The following OSBPL5 variants were observed in gnomAD, a reference collection of about 807,000 sequenced individuals.
The protein encoded by OSBPL5 is oxysterol binding protein like 5.
Under a neutral mutation model 111.2 loss-of-function variants are expected in OSBPL5, and 71 were observed. That is an observed-to-expected ratio of 0.64 (90% CI 0.53 to 0.78). The LOEUF (loss-of-function observed/expected upper bound fraction) is 0.78, where lower values mean the gene tolerates loss of function less well. Ranked by LOEUF, OSBPL5 falls within the 30% of genes least tolerant of loss-of-function variation. OSBPL5 has a pLI of 0.00. For missense variants in OSBPL5, 1,210 were observed against 1,189.3 expected (o/e 1.02, Z -0.26); for synonymous variants, 549 against 513.9 (o/e 1.07, Z -0.93).
Position 3,101,624 on chromosome 11 carries a change from T to C in OSBPL5, c.1501A>G (p.Thr501Ala). Residue 501 changes from threonine to alanine, a missense_variant, in exon 13 of 22, where the codon ACA becomes GCA. Coordinates refer to ENST00000263650, the MANE Select transcript of OSBPL5 (RefSeq NM_020896.4). Reference protein sequence around the residue: ...KDGFCISGSITAKSRFYGNSL... With the variant: ...KDGFCISGSIAAKSRFYGNSL... ...TCACCATAAAACCTGGACTTGGCTGTGATGCTGCCACTGATGCAGAAGCCG... is the reference window on the plus strand; with the variant it reads ...TCACCATAAAACCTGGACTTGGCTGCGATGCTGCCACTGATGCAGAAGCCG... 1 of 1,613,938 alleles carries C rather than the reference T, an allele frequency of 6.2e-7. No homozygotes were observed. The highest frequency in any genetic ancestry group is 8.5e-7 in the Non-Finnish European group (1 of 1,179,972).
chr11:3,090,737 G>A lies in OSBPL5; in HGVS notation c.2260-41C>T, dbSNP rs747211020. On this transcript the variant is annotated intron_variant, in intron 19 of 21. Coordinates refer to ENST00000263650, the MANE Select transcript of OSBPL5 (RefSeq NM_020896.4). ...GCTGCTGCAGCTGAAAGCCACCCAC[G>A]CCCCCTGCCCAGGCCCCAGGGACAT... 8.9e-6 allele frequency: 14 copies of A among 1,570,482 alleles called. No individual in the cohort carries two copies. The East Asian group carries it at 1.6e-4, about 18-fold the overall frequency.
intron 1 of OSBPL5, among the ~76,000 whole-genome samples, chr11:3,147,850 C>T (rs570553711): frequency 1.2e-4 from 18 of 152,246 alleles, no homozygotes; most frequent in African/African-American, 2.4e-4. Context: ...GCGAGTGACC[C>T]GGGCCCTTCT....
At chr11:3,147,899 C>T (rs754960862) in intron 1 of OSBPL5, among the ~76,000 whole-genome samples, 3 of 152,184 alleles carry the variant, frequency 2.0e-5, no homozygotes, top group Non-Finnish European at 4.4e-5. Context: ...CCTGTTCTTG[C>T]GACTGAACGC....
chr11:3,131,298 G>A (rs1024175622), intron 1 of OSBPL5, among the ~76,000 whole-genome samples: 5 of 151,954 alleles, frequency 3.3e-5, no homozygotes, highest in African/African-American at 4.8e-5. Flanking sequence ...CCAGTCTCCC[G>A]CTCCCTTGTA....
rs548404371 is a variant in OSBPL5, at chr11:3,151,909, A to G, written c.-22+13307T>C. On this transcript the variant is annotated intron_variant, in intron 1 of 21. Transcript: ENST00000263650. ...TGCTCCTGGAGAGGGGCCCGTTCTC[A>G]AATCTCCTGGAATTGGCCACTGAAG... is the stretch of plus-strand genomic sequence containing the variant. 8.2e-4 allele frequency among the ~76,000 whole-genome samples: 125 copies of G among 152,320 alleles called. 1 individual carries two copies. The highest frequency in any genetic ancestry group is 3.0e-3 in the African/African-American group (124 of 41,570).
intron 12 of OSBPL5, 137 bp downstream of exon 12, chr11:3,102,046 T>C (rs1857478721): frequency 1.3e-6 from 1 of 792,176 alleles, no homozygotes; most frequent in Non-Finnish European, 2.0e-6. Context: ...GCCCTTCCGG[T>C]GTGCAGGATG....
chr11:3,093,913 A>G, intron 15 of OSBPL5, 78 bp from the exon 16 acceptor site: 1 of 1,505,690 alleles, frequency 6.6e-7, no homozygotes, highest in Non-Finnish European at 9.0e-7. Context: ...GGGGGCACGG[A>G]ACAGTTATTC....
chr11:3,154,265 G>A lies in OSBPL5; in HGVS notation c.-22+10951C>T, dbSNP rs1846682543. Among the ~76,000 whole-genome samples, 1 of 152,246 alleles carries A rather than the reference G, an allele frequency of 6.6e-6. No homozygotes were observed. Among genetic ancestry groups the A allele is most frequent in the Admixed American group, 6.5e-5 (1 of 15,292 alleles). On this transcript the variant is annotated intron_variant, in intron 1 of 21. Coordinates refer to ENST00000263650, the MANE Select transcript of OSBPL5 (RefSeq NM_020896.4). This position sits in a 1 kb window ranked among gnomAD's most constrained non-coding sequence, Gnocchi z 4.9. ...CCTGGAGAGCACGGCCCTGCGTGCA[G>A]CACCTGCCAGTAGGTAGCAGGATGT...
At chr11:3,120,726 G>T in intron 5 of OSBPL5, 102 bp from the exon 6 acceptor site, 1 of 1,295,650 alleles carries the variant, frequency 7.7e-7, no homozygotes, top group South Asian at 1.3e-5. Context: ...AGGGTGGGCT[G>T]CCGAGGGGCC....
At chr11:3,123,750 C>A (rs1282402229) in intron 3 of OSBPL5, among the ~76,000 whole-genome samples, 1 of 152,246 alleles carries the variant, frequency 6.6e-6, no homozygotes, top group African/African-American at 2.4e-5. Context: ...TCTGCTGGGG[C>A]ACCAGGTCCT....
Position 3,092,608 on chromosome 11 carries a change from A to G in OSBPL5, c.2133-50T>C, listed in dbSNP as rs1283572544. The G allele has an allele frequency of 6.6e-7, 1 of 1,518,650 alleles. No homozygotes were observed. The highest frequency in any genetic ancestry group is 8.9e-7 in the Non-Finnish European group (1 of 1,125,400). 94.1% of individuals were successfully genotyped at this position (1,518,650 alleles called of 1,614,324 possible). The stretch of plus-strand genomic sequence containing the variant: ...CAGCACAGGCAGTGGCCCTCAGGTG[A>G]GGGGGCTGTCCTGGCCCAGTCTTCA... On this transcript the variant is annotated intron_variant, in intron 18 of 21. Coordinates refer to ENST00000263650, the MANE Select transcript of OSBPL5 (RefSeq NM_020896.4). The surrounding 1 kb of genome is among the most constrained non-coding windows in gnomAD (Gnocchi z 5.4).
At position 3,098,382 on chromosome 11, in the gene OSBPL5, T is replaced by C. The variant is rs574285863; in HGVS notation, c.1621+1776A>G. ...AAAAAATGGCTAAAATTTTCTGGAC[T>C]TCATCAAAGCCACGAAACCTCAGGT... is the stretch of plus-strand genomic sequence containing the variant. On this transcript the variant is annotated intron_variant, in intron 14 of 21. Transcript: ENST00000263650. 3.3e-5 allele frequency among the ~76,000 whole-genome samples: 5 copies of C among 151,604 alleles called. No homozygotes were observed. In the East Asian group the frequency reaches 9.7e-4, roughly 29 times the overall value.
At position 3,128,175 on chromosome 11, in the gene OSBPL5, G is replaced by A. The variant is rs937347111; in HGVS notation, c.136+838C>T. 5.9e-5 allele frequency among the ~76,000 whole-genome samples: 9 copies of A among 152,200 alleles called. No individual in the cohort carries two copies. The South Asian group carries it at 6.2e-4, about 11-fold the overall frequency. ...GATGGGACTTTGGCTGCGACCACAC[G>A]CCCCTCGAGCCTGGGTGGTGGATCC... On this transcript the variant is annotated intron_variant, in intron 2 of 21. Coordinates refer to ENST00000263650, the MANE Select transcript of OSBPL5 (RefSeq NM_020896.4).
intron 1 of OSBPL5, among the ~76,000 whole-genome samples, chr11:3,129,619 C>T (rs934884833): frequency 1.2e-4 from 18 of 152,272 alleles, no homozygotes; most frequent in South Asian, 2.1e-4. Context: ...ACCAGGTGGC[C>T]GCTGAGCACC....
At chr11:3,102,383 C>T (rs1857491503) in intron 11 of OSBPL5, 102 bp from the exon 12 acceptor site, 1 of 1,049,762 alleles carries the variant, frequency 9.5e-7, no homozygotes. Flanking sequence ...GGTGGGCTAC[C>T]CGCTGCCTGC....
At chr11:3,136,870 C>A (rs925138080) in intron 1 of OSBPL5, among the ~76,000 whole-genome samples, 17 of 152,266 alleles carry the variant, frequency 1.1e-4, no homozygotes, top group African/African-American at 3.9e-4. Flanking sequence ...CCGCAGCCAG[C>A]CTTCAGCAGT....
chr11:3,138,325 C>G (rs1014368059), intron 1 of OSBPL5, among the ~76,000 whole-genome samples: 6 of 152,212 alleles, frequency 3.9e-5, no homozygotes, highest in Non-Finnish European at 8.8e-5. Flanking sequence ...CACCTCCCAG[C>G]TAGACCCACC....
In OSBPL5 at chr11:3,101,593, AC is replaced by A; in HGVS notation, c.1522+9del. The A allele has an allele frequency of 1.2e-6, 2 of 1,610,326 alleles. No individual in the cohort carries two copies. The highest frequency in any genetic ancestry group is 1.7e-4 in the Middle Eastern group (1 of 6,050). On this transcript the variant is annotated intron_variant, in intron 13 of 21. Coordinates refer to ENST00000263650, the MANE Select transcript of OSBPL5 (RefSeq NM_020896.4). Reference sequence around the variant, plus strand: ...GAGGCCCCAGGGAGCGCCCAGGGTGACCCCCTCACCATAAAACCTGGACTTG... The same window carrying A: ...GAGGCCCCAGGGAGCGCCCAGGGTGACCCCTCACCATAAAACCTGGACTTG...
chr11:3,119,853 C>T (rs1239268707), intron 6 of OSBPL5: 2 of 524,898 alleles, frequency 3.8e-6, no homozygotes. Flanking sequence ...GCAGCTCTGC[C>T]CTCAGCTTTC....
Sources: allele counts gnomAD v4.1 joint callset (sites outside exome capture counted in the v4.1 genomes callset), GRCh38; gene constraint gnomAD v4.1.1; non-coding constraint Gnocchi (gnomAD v3.1); transcripts MANE v1.5; gene names NCBI Gene and HGNC (gene_info 2026-07-23, HGNC 2026-07-21).